Variants in KLF12 observed in about 807,000 individuals in gnomAD.
KLF12 encodes KLF transcription factor 12, also known as Krueppel-like factor 12.
KLF12 carries 9 observed loss-of-function variants against 37.8 expected under a neutral mutation model. The observed-to-expected ratio is 0.24, with a 90% confidence interval of 0.14 to 0.42. The LOEUF is 0.42. Among genes scored for constraint, KLF12 ranks in the 10% least tolerant of loss-of-function variants. The pLI is 1.00. For synonymous variants in KLF12, 208 were observed against 202.1 expected (o/e 1.03, Z -0.25); for missense variants, 411 against 516.0 (o/e 0.80, Z 1.97).
intron 4 of KLF12, among the ~76,000 whole-genome samples, chr13:73,826,845 G>T (rs1382703908): frequency 1.3e-5 from 2 of 151,998 alleles, no homozygotes; most frequent in Non-Finnish European, 2.9e-5. Flanking sequence ...GCAGTGGCAT[G>T]ATCTCGGCTC....
chr13:74,233,565 T>C, the KLF12 span, among the ~76,000 whole-genome samples: 6 of 152,332 alleles, frequency 3.9e-5, no homozygotes, highest in African/African-American at 1.4e-4. Context: ...CACATTGTAG[T>C]TTGGAGAAGC....
chr13:73,947,604 T>C (rs900303886), intron 2 of KLF12, among the ~76,000 whole-genome samples: 3 of 132,568 alleles, frequency 2.3e-5, no homozygotes, highest in African/African-American at 8.8e-5. Flanking sequence ...TGAGCCAAGA[T>C]GGTGCCACTG....
chr13:74,122,351 T>C (rs1464532494), intron 1 of KLF12, among the ~76,000 whole-genome samples: 2 of 152,008 alleles, frequency 1.3e-5, no homozygotes, highest in Non-Finnish European at 2.9e-5. Flanking sequence ...AATCAGAAAA[T>C]ACTAATTCCA....
chr13:74,186,547 CT>C, the KLF12 span, among the ~76,000 whole-genome samples: 2,480 of 152,082 alleles, frequency 0.016, 68 homozygotes, highest in African/African-American at 0.053. Flanking sequence ...CAAAAGTATC[CT>C]AAGGTTTAGA....
the KLF12 span, among the ~76,000 whole-genome samples, chr13:74,150,841 G>A: frequency 6.6e-6 from 1 of 152,168 alleles, no homozygotes; most frequent in South Asian, 2.1e-4. Context: ...AAAGACTCAT[G>A]TCCTGGGGTG....
chr13:74,199,874 C>T, the KLF12 span, among the ~76,000 whole-genome samples: 1 of 152,094 alleles, frequency 6.6e-6, no homozygotes, highest in African/African-American at 2.4e-5. Context: ...GAGACTTCAT[C>T]TTAGCAATCC....
the KLF12 span, among the ~76,000 whole-genome samples, chr13:74,260,426 C>T: frequency 6.6e-6 from 1 of 151,770 alleles, no homozygotes; most frequent in Non-Finnish European, 1.5e-5. Flanking sequence ...TGTGGTGGTG[C>T]ACCTGTAGTC....
At chr13:73,903,989 C>T (rs979440678) in intron 3 of KLF12, among the ~76,000 whole-genome samples, 3 of 152,086 alleles carry the variant, frequency 2.0e-5, no homozygotes, top group African/African-American at 7.2e-5. Context: ...GGCCCTGGTG[C>T]CAAAAAAGGT....
intron 1 of KLF12, among the ~76,000 whole-genome samples, chr13:74,098,234 T>C (rs992522717): frequency 1.3e-5 from 2 of 152,210 alleles, no homozygotes; most frequent in African/African-American, 2.4e-5. Flanking sequence ...GAATTACACA[T>C]TGAGGTGAGA....
chr13:74,249,156 T>A, the KLF12 span, among the ~76,000 whole-genome samples: 1 of 144,004 alleles, frequency 6.9e-6, no homozygotes, highest in Middle Eastern at 3.5e-3. Context: ...TGCCTCAAGA[T>A]TTTTTTTTTA....
At chr13:73,787,348 T>C (rs1881415088) in intron 5 of KLF12, among the ~76,000 whole-genome samples, 1 of 152,190 alleles carries the variant, frequency 6.6e-6, no homozygotes, top group Non-Finnish European at 1.5e-5. Context: ...GTCATGTAGT[T>C]AGTCAGAGAG....
chr13:73,765,706 G>A (rs932933706), intron 5 of KLF12, among the ~76,000 whole-genome samples: 10 of 152,102 alleles, frequency 6.6e-5, no homozygotes, highest in African/African-American at 2.4e-4. Flanking sequence ...TCTAATCAAA[G>A]CCTAGCTAGT....
intron 5 of KLF12, among the ~76,000 whole-genome samples, chr13:73,790,119 C>T (rs931710706): frequency 1.3e-5 from 2 of 152,170 alleles, no homozygotes; most frequent in African/African-American, 2.4e-5. Context: ...ATTTTATTCC[C>T]TTTTCCAATT....
chr13:73,831,363 G>T (rs1427311794), intron 4 of KLF12, among the ~76,000 whole-genome samples: 2 of 151,970 alleles, frequency 1.3e-5, no homozygotes, highest in Non-Finnish European at 1.5e-5. Context: ...TTATTGTCAG[G>T]CTTAAAGATA....
At chr13:74,134,153 G>A (rs530574845), upstream of KLF12, among the ~76,000 whole-genome samples, 215 of 148,996 alleles carry the variant, frequency 1.4e-3, 1 homozygote, top group African/African-American at 5.0e-3. Flanking sequence ...AAACCGGAGA[G>A]GCGCTTGGGG....
At chr13:74,240,737 G>A in the KLF12 span, among the ~76,000 whole-genome samples, 2 of 123,160 alleles carry the variant, frequency 1.6e-5, no homozygotes, top group Admixed American at 8.6e-5. Context: ...TGATCGCATC[G>A]GCTCCTGAGG....
intron 3 of KLF12, among the ~76,000 whole-genome samples, chr13:73,895,436 G>A (rs1275813969): frequency 6.6e-6 from 1 of 152,146 alleles, no homozygotes; most frequent in Non-Finnish European, 1.5e-5. Flanking sequence ...ATTCTCTTGT[G>A]TACTTGGTTT....
chr13:73,726,727 T>C (rs928519282), intron 6 of KLF12, among the ~76,000 whole-genome samples: 1 of 152,230 alleles, frequency 6.6e-6, no homozygotes, highest in African/African-American at 2.4e-5. Flanking sequence ...TTTTTGGCTA[T>C]TATGAATAAC....
intron 1 of KLF12, among the ~76,000 whole-genome samples, chr13:74,059,547 G>A (rs569282806): frequency 6.6e-6 from 1 of 152,276 alleles, no homozygotes; most frequent in African/African-American, 2.4e-5. Flanking sequence ...TAATGATGTT[G>A]AGCATTTCTT....
Sources: allele counts gnomAD v4.1 joint callset (sites outside exome capture counted in the v4.1 genomes callset), GRCh38; gene constraint gnomAD v4.1.1; transcripts MANE v1.5; gene names NCBI Gene and HGNC (gene_info 2026-07-23, HGNC 2026-07-21).